RAB3GAP1: variants seen among roughly 807,000 people sequenced by gnomAD.
RAB3GAP1 encodes the protein RAB3 GTPase activating protein catalytic subunit 1, also known as rab3 GTPase-activating protein catalytic subunit.
RAB3GAP1 carries 86 observed loss-of-function variants against 130.7 expected under a neutral mutation model. The ratio of observed to expected loss-of-function variants is 0.66; its 90% CI spans 0.55 to 0.79. The LOEUF (loss-of-function observed/expected upper bound fraction) is 0.79, where lower values mean the gene tolerates loss of function less well. RAB3GAP1 is among the 30% of genes least tolerant of loss of function. The probability of loss-of-function intolerance (pLI) is 0.00; values close to 1 mark genes in which losing one functional copy is unlikely to be tolerated. For synonymous variants in RAB3GAP1, 367 were observed against 401.7 expected (o/e 0.91, Z 1.03); for missense variants, 1,029 against 1,169.4 (o/e 0.88, Z 1.75).
intron 17 of RAB3GAP1, among the ~76,000 whole-genome samples, chr2:135,148,491 CTTTTTTT>C (rs571757000): frequency 1.8e-5 from 2 of 108,120 alleles, no homozygotes; most frequent in African/African-American, 3.5e-5. Context: ...GCTAGTAATT[CTTTTTTT>C]TTTTTTTTTT....
chr2:135,163,412 C>T (rs1692527157), intron 22 of RAB3GAP1, among the ~76,000 whole-genome samples: 1 of 152,168 alleles, frequency 6.6e-6, no homozygotes, highest in Non-Finnish European at 1.5e-5. Flanking sequence ...AACTGTGTTG[C>T]TCACCCTGCC....
At chr2:135,059,295 T>C (rs1373695779) in intron 3 of RAB3GAP1, among the ~76,000 whole-genome samples, 3 of 152,100 alleles carry the variant, frequency 2.0e-5, no homozygotes, top group Non-Finnish European at 4.4e-5. Context: ...ATAGCTAGAA[T>C]AGGAAATGAT....
downstream of RAB3GAP1, chr2:135,175,536 C>T (rs561503099): frequency 1.3e-5 from 2 of 152,344 alleles, no homozygotes; most frequent in East Asian, 3.9e-4. Context: ...CATCTGAGAC[C>T]TCTGCAAATA....
intron 8 of RAB3GAP1, among the ~76,000 whole-genome samples, chr2:135,123,177 C>T (rs1332020574): frequency 1.3e-5 from 2 of 152,130 alleles, no homozygotes; most frequent in Non-Finnish European, 2.9e-5. Context: ...AGTTGCTTCT[C>T]CCTTTTTAAT....
intron 4 of RAB3GAP1, among the ~76,000 whole-genome samples, chr2:135,093,385 T>C (rs1006896677): frequency 3.3e-5 from 5 of 152,172 alleles, no homozygotes; most frequent in Non-Finnish European, 7.3e-5. Flanking sequence ...CAAAAAAATA[T>C]TTTAAACATG....
intron 7 of RAB3GAP1, among the ~76,000 whole-genome samples, chr2:135,117,663 G>GCTTCTGCTTCTTCTGCTTCTTCTGCTT (rs1427432097): frequency 2.5e-5 from 1 of 39,854 alleles, no homozygotes; most frequent in African/African-American, 5.2e-5. Context: ...TGCTTCTTCT[G>GCTTCTGCTTCTTCTGCTTCTTCTGCTT]CTTCTGCTTC....
At chr2:135,071,570 A>T (rs1409481970) in intron 3 of RAB3GAP1, among the ~76,000 whole-genome samples, 1 of 152,082 alleles carries the variant, frequency 6.6e-6, no homozygotes, top group African/African-American at 2.4e-5. Flanking sequence ...AAGTATGAAG[A>T]TACAAAGATA....
chr2:135,054,080 G>A (rs1041552943), intron 2 of RAB3GAP1, among the ~76,000 whole-genome samples: 2 of 152,312 alleles, frequency 1.3e-5, no homozygotes, highest in South Asian at 4.1e-4. Context: ...ACGGGATTGG[G>A]TTATGGACAT....
intron 5 of RAB3GAP1, among the ~76,000 whole-genome samples, chr2:135,096,263 T>C (rs1213397358): frequency 1.3e-5 from 2 of 152,208 alleles, no homozygotes; most frequent in Admixed American, 1.3e-4. Context: ...TATTCTATTG[T>C]TATCAGTTGG....
At chr2:135,070,783 C>T (rs868520087) in intron 3 of RAB3GAP1, among the ~76,000 whole-genome samples, 5 of 152,092 alleles carry the variant, frequency 3.3e-5, no homozygotes, top group East Asian at 3.9e-4. Context: ...TGAGCCACCA[C>T]GCCCGGCCTG....
chr2:135,120,240 A>G (rs771750487), intron 7 of RAB3GAP1, among the ~76,000 whole-genome samples: 7 of 152,332 alleles, frequency 4.6e-5, no homozygotes, highest in Middle Eastern at 3.4e-3. Flanking sequence ...AAGATACTTT[A>G]AAGAGCATTT....
chr2:135,168,701 C>T lies in RAB3GAP1; in HGVS notation c.2866C>T (p.Pro956Ser). 6.2e-7 allele frequency: 1 copy of T among 1,614,204 alleles called. No homozygotes were observed. Among genetic ancestry groups the T allele is most frequent in the Non-Finnish European group, 8.5e-7 (1 of 1,180,042 alleles). Residue 956 changes from proline to serine, a missense_variant, in exon 24 of 24, where the codon CCT becomes TCT. This residue lies in a region of RAB3GAP1 where 146 missense variants were observed against 143.7 expected (regional missense o/e 1.02). Transcript: ENST00000264158. ...PRPAPYSKAL[P>S]QRMYSVLTKE... ...CCCTGCTCCCTACTCCAAAGCTCTGCCTCAGCGGATGTACAGTGTTCTCAC... is the reference window on the plus strand; with the variant it reads ...CCCTGCTCCCTACTCCAAAGCTCTGTCTCAGCGGATGTACAGTGTTCTCAC...
downstream of RAB3GAP1, among the ~76,000 whole-genome samples, chr2:135,175,037 T>G (rs1325066653): frequency 6.6e-6 from 1 of 151,922 alleles, no homozygotes; most frequent in Non-Finnish European, 1.5e-5. Flanking sequence ...TCTTGACTCC[T>G]GTTGTTACTT....
chr2:135,090,446 T>G (rs2104874685), intron 3 of RAB3GAP1, among the ~76,000 whole-genome samples: 1 of 152,316 alleles, frequency 6.6e-6, no homozygotes, highest in Non-Finnish European at 1.5e-5. Flanking sequence ...TATGGGAGAT[T>G]AGAAGCTCTG....
At chr2:135,140,453 C>T (rs7605381) in intron 17 of RAB3GAP1, among the ~76,000 whole-genome samples, 16,394 of 152,168 alleles carry the variant, frequency 0.11, 2,189 homozygotes, top group African/African-American at 0.32. Flanking sequence ...TAGGAAGACT[C>T]ATAAGACTTA....
intron 2 of RAB3GAP1, 26 bp from the exon 3 acceptor site, chr2:135,057,985 T>G: frequency 6.6e-7 from 1 of 1,520,052 alleles, no homozygotes; most frequent in Non-Finnish European, 9.1e-7. Flanking sequence ...GCTGTTGTAT[T>G]TAGAAGCTTT....
chr2:135,072,875 A>G (rs1689518294), intron 3 of RAB3GAP1, among the ~76,000 whole-genome samples: 1 of 152,240 alleles, frequency 6.6e-6, no homozygotes, highest in Admixed American at 6.5e-5. Context: ...AGGGGAGCAG[A>G]TAGGGAAGTT....
At chr2:135,086,721 T>A (rs529919632) in intron 3 of RAB3GAP1, among the ~76,000 whole-genome samples, 2 of 140,572 alleles carry the variant, frequency 1.4e-5, no homozygotes, top group Non-Finnish European at 3.0e-5. Flanking sequence ...TCACCCAGGC[T>A]GGAGTGCAGT....
At chr2:135,108,515 C>A (rs941174747) in intron 5 of RAB3GAP1, among the ~76,000 whole-genome samples, 17 of 128,688 alleles carry the variant, frequency 1.3e-4, no homozygotes, top group African/African-American at 4.0e-4. Flanking sequence ...GTCTTTGGGG[C>A]TTTTTTTTTT....
Sources: allele counts gnomAD v4.1 joint callset (sites outside exome capture counted in the v4.1 genomes callset), GRCh38; gene constraint gnomAD v4.1.1; regional missense constraint gnomAD v4.1.1; transcripts MANE v1.5; gene names NCBI Gene and HGNC (gene_info 2026-07-23, HGNC 2026-07-21).